The following STAT4 variants were observed in gnomAD, a reference collection of about 807,000 sequenced individuals.
STAT4 encodes the protein signal transducer and activator of transcription 4.
A neutral mutation model predicts 110.5 loss-of-function variants in STAT4; 42 were observed. The ratio of observed to expected loss-of-function variants is 0.38; its 90% CI spans 0.30 to 0.49. The LOEUF (loss-of-function observed/expected upper bound fraction) is 0.49, where lower values mean the gene tolerates loss of function less well. STAT4 is among the 20% of genes least tolerant of loss of function. The probability of loss-of-function intolerance (pLI) is 0.95; values close to 1 mark genes in which losing one functional copy is unlikely to be tolerated. For synonymous variants in STAT4, 284 were observed against 302.2 expected (o/e 0.94, Z 0.63); for missense variants, 632 against 887.9 (o/e 0.71, Z 3.66).
rs1462933024 is a variant in STAT4, at chr2:191,135,349, G to GA, written c.273+11263dup. Among the ~76,000 whole-genome samples, 1 of 152,112 alleles carries GA rather than the reference G, an allele frequency of 6.6e-6. No homozygotes were observed. Among genetic ancestry groups the GA allele is most frequent in the Non-Finnish European group, 1.5e-5 (1 of 68,006 alleles). On this transcript the variant is annotated intron_variant, in intron 3 of 23. Transcript: ENST00000392320. The surrounding 1 kb of genome is among the most constrained non-coding windows in gnomAD (Gnocchi z 4.8). The stretch of plus-strand genomic sequence containing the variant: ...ATGCAACCTAGCAAGATTGAATCAG[G>GA]AAAAAAGCCCAAAAAGACCTGAACA...
chr2:191,098,967 T>A (rs1001207820), intron 3 of STAT4, among the ~76,000 whole-genome samples: 1 of 151,508 alleles, frequency 6.6e-6, no homozygotes, highest in African/African-American at 2.4e-5. Context: ...AAAATAATTA[T>A]TAATATATAA....
rs1697507781 is a variant in STAT4 at position 191,082,364 on chromosome 2, T to C, written c.274-6039A>G. 6.6e-6 allele frequency among the ~76,000 whole-genome samples: 1 copy of C among 152,250 alleles called. No homozygotes were observed. Among genetic ancestry groups the C allele is most frequent in the South Asian group, 2.1e-4 (1 of 4,834 alleles). Reference sequence around the variant, plus strand: ...GTTTGAATCCTAAATTATAGTGTTATATTTTGATGACATTTTAAACAGCAA... The same window carrying C: ...GTTTGAATCCTAAATTATAGTGTTACATTTTGATGACATTTTAAACAGCAA... On this transcript the variant is annotated intron_variant, in intron 3 of 23. Transcript: ENST00000392320. This position sits in a 1 kb window ranked among gnomAD's most constrained non-coding sequence, Gnocchi z 4.7.
chr2:191,069,901 G>T (rs531836195), intron 5 of STAT4, 130 bp from the exon 6 acceptor site: 3 of 651,394 alleles, frequency 4.6e-6, no homozygotes, highest in East Asian at 2.8e-5. Context: ...CATAATGAAC[G>T]CACGCTTCTA....
chr2:191,131,761 C>T, intron 3 of STAT4: 4 of 1,292,028 alleles, frequency 3.1e-6, no homozygotes, highest in Non-Finnish European at 4.0e-6. Context: ...TACTAAATTC[C>T]TGTATCTTGG....
intron 3 of STAT4, among the ~76,000 whole-genome samples, chr2:191,101,908 A>G (rs1400961260): frequency 6.6e-6 from 1 of 151,848 alleles, no homozygotes. Context: ...AATGTCAGCT[A>G]TTGTATCTCA....
chr2:191,030,374 G>C lies in STAT4; in HGVS notation c.2221-508C>G, dbSNP rs1695855140. 6.6e-6 allele frequency among the ~76,000 whole-genome samples: 1 copy of C among 152,164 alleles called. No homozygotes were observed. Among genetic ancestry groups the C allele is most frequent in the Admixed American group, 6.5e-5 (1 of 15,270 alleles). ...ACCCATTGACAGTATTGGTGGATAAGAGCAAATAGCATGCATCCCAAATAA... is the reference window on the plus strand; with the variant it reads ...ACCCATTGACAGTATTGGTGGATAACAGCAAATAGCATGCATCCCAAATAA... On this transcript the variant is annotated intron_variant, in intron 23 of 23. Transcript: ENST00000392320. This position sits in a 1 kb window ranked among gnomAD's most constrained non-coding sequence, Gnocchi z 4.4.
chr2:191,063,408 C>T (rs536957377), intron 8 of STAT4, among the ~76,000 whole-genome samples: 3 of 152,140 alleles, frequency 2.0e-5, no homozygotes. Flanking sequence ...TAAGTACTAG[C>T]CAAAAGTGAT....
chr2:191,151,412 G>C, upstream of STAT4: 2 of 985,650 alleles, frequency 2.0e-6, no homozygotes, highest in Non-Finnish European at 2.4e-6. This position sits in a 1 kb window ranked among gnomAD's most constrained non-coding sequence, Gnocchi z 4.7. Flanking sequence ...TGGGATGGAA[G>C]GGATGGGTAG....
At chr2:191,065,377 A>G (rs1422339118) in intron 7 of STAT4, among the ~76,000 whole-genome samples, 1 of 152,096 alleles carries the variant, frequency 6.6e-6, no homozygotes, top group Admixed American at 6.6e-5. Context: ...TTTTCTTAGG[A>G]CTTTTTCTGG....
chr2:191,063,577 C>T, intron 8 of STAT4, among the ~76,000 whole-genome samples: 1 of 152,178 alleles, frequency 6.6e-6, no homozygotes, highest in East Asian at 1.9e-4. Flanking sequence ...ACGGAAGGGA[C>T]TTCCAACCAC....
rs79033219 is a variant in STAT4 at position 191,124,109 on chromosome 2, T to G, written c.273+22504A>C. Among the ~76,000 whole-genome samples, 450 of 152,246 alleles carry G rather than the reference T, an allele frequency of 3.0e-3. 10 individuals are homozygous for G. The highest frequency in any genetic ancestry group is 0.028 in the South Asian group (136 of 4,820). On this transcript the variant is annotated intron_variant, in intron 3 of 23. Transcript: ENST00000392320. ...GATCCATTTAGTTAGGAATATTCAT[T>G]GCAATAAGGCAATATTCATATTTTC...
At position 191,066,736 on chromosome 2, in the gene STAT4, A is replaced by G. The variant is rs1345833080; in HGVS notation, c.545-221T>C. On this transcript the variant is annotated intron_variant, in intron 6 of 23. Transcript: ENST00000392320. The surrounding 1 kb of genome is among the most constrained non-coding windows in gnomAD (Gnocchi z 4.3). ...ACCTCTTTATTTTAGAGCTTCAGGA[A>G]AAACCATTCTGCACTGGGTGTTTTG... Among the ~76,000 whole-genome samples, 1 of 152,200 alleles carries G rather than the reference A, an allele frequency of 6.6e-6. No individual in the cohort carries two copies. Among genetic ancestry groups the G allele is most frequent in the East Asian group, 1.9e-4 (1 of 5,198 alleles).
chr2:191,120,514 T>C (rs1698694702), intron 3 of STAT4, among the ~76,000 whole-genome samples: 1 of 152,128 alleles, frequency 6.6e-6, no homozygotes, highest in Non-Finnish European at 1.5e-5. Flanking sequence ...CAAAACCTTG[T>C]CTCAACCAAT....
At chr2:191,121,241 A>G (rs143009935) in intron 3 of STAT4, among the ~76,000 whole-genome samples, 16,720 of 152,222 alleles carry the variant, frequency 0.11, 1,150 homozygotes, top group Middle Eastern at 0.2. Flanking sequence ...CACACCAGTT[A>G]GAATGGCAAT....
At chr2:191,141,305 A>G (rs1226834648) in intron 3 of STAT4, among the ~76,000 whole-genome samples, 1 of 151,690 alleles carries the variant, frequency 6.6e-6, no homozygotes, top group African/African-American at 2.4e-5. Context: ...GCTCAACATC[A>G]CTAATCAGGA....
At position 191,046,350 on chromosome 2, in the gene STAT4, G is replaced by C. The variant is rs1574705044; in HGVS notation, c.1252-5202C>G. 6.6e-6 allele frequency among the ~76,000 whole-genome samples: 1 copy of C among 152,336 alleles called. No individual in the cohort carries two copies. The highest frequency in any genetic ancestry group is 1.9e-4 in the East Asian group (1 of 5,192). ...ACTGGAACATGGTGGCATGGGTAAA[G>C]ATAGCACAGCCATCTTGAGCCATTG... On this transcript the variant is annotated intron_variant, in intron 14 of 23. Transcript: ENST00000392320. This position sits in a 1 kb window ranked among gnomAD's most constrained non-coding sequence, Gnocchi z 4.6.
In STAT4 at chr2:191,037,696, A is replaced by G. The variant is rs1375016277; in HGVS notation, c.1435-1397T>C. On this transcript the variant is annotated intron_variant, in intron 16 of 23. Coordinates refer to ENST00000392320, the MANE Select transcript of STAT4 (RefSeq NM_003151.4). The surrounding 1 kb of genome is among the most constrained non-coding windows in gnomAD (Gnocchi z 4.8). ...TCAAGAAAAAGAACCAATTCAAGAG[A>G]TTTCAGAAGGTGGGAATGAAAGAGG... 6.6e-6 allele frequency among the ~76,000 whole-genome samples: 1 copy of G among 152,204 alleles called. No homozygotes were observed. The highest frequency in any genetic ancestry group is 1.9e-4 in the East Asian group (1 of 5,206).
intron 14 of STAT4, among the ~76,000 whole-genome samples, chr2:191,044,849 G>T (rs1696305468): frequency 6.6e-6 from 1 of 152,070 alleles, no homozygotes; most frequent in South Asian, 2.1e-4. Flanking sequence ...CTTAATTAGT[G>T]ACAAGTATGT....
intron 3 of STAT4, among the ~76,000 whole-genome samples, chr2:191,111,548 G>A (rs1223279079): frequency 6.6e-6 from 1 of 152,084 alleles, no homozygotes; most frequent in African/African-American, 2.4e-5. Flanking sequence ...AGTGAAAGAA[G>A]CCTGTTAAAA....
Sources: allele counts gnomAD v4.1 joint callset (sites outside exome capture counted in the v4.1 genomes callset), GRCh38; gene constraint gnomAD v4.1.1; non-coding constraint Gnocchi (gnomAD v3.1); transcripts MANE v1.5; gene names NCBI Gene and HGNC (gene_info 2026-07-23, HGNC 2026-07-21).